The following CNTNAP2 variants were observed in gnomAD, a reference collection of about 807,000 sequenced individuals.
CNTNAP2 encodes the protein contactin associated protein 2, also known as contactin-associated protein-like 2.
In CNTNAP2, 98 loss-of-function variants were observed where a neutral mutation model predicts 155.2. The observed-to-expected ratio is 0.63, with a 90% CI of 0.54 to 0.75. CNTNAP2 has a LOEUF of 0.75. Among genes scored for constraint, CNTNAP2 ranks in the 30% least tolerant of loss-of-function variants. CNTNAP2 has a pLI of 0.00. For missense variants in CNTNAP2, 1,727 were observed against 1,688.1 expected, an observed-to-expected ratio of 1.02 and a Z score of -0.40; for synonymous variants, 651 against 631.2, an observed-to-expected ratio of 1.03 and a Z score of -0.47.
At chr7:148,158,205 T>C (rs151176631) in intron 17 of CNTNAP2, among the ~76,000 whole-genome samples, 2 of 151,138 alleles carry the variant, frequency 1.3e-5, no homozygotes, top group African/African-American at 4.9e-5. Context: ...TGAGTGATGA[T>C]AGGTACAATG....
In CNTNAP2 at chr7:148,415,807, T is replaced by C; in HGVS notation, c.*191T>C. The C allele has an allele frequency of 1.5e-6, 1 of 655,288 alleles. No individual in the cohort carries two copies. The highest frequency in any genetic ancestry group is 2.7e-5 in the East Asian group (1 of 36,476). The allele number at this position is 655,288 out of a possible 1,614,324, so 40.6% of individuals were successfully genotyped here. A position where few individuals can be genotyped will look rare whatever the true frequency, so the allele number is the denominator to read the frequency against. On this transcript the variant is annotated 3_prime_UTR_variant, in exon 24 of 24. Coordinates refer to ENST00000361727, the MANE Select transcript of CNTNAP2 (RefSeq NM_014141.6). Reference sequence around the variant, plus strand: ...AAAAAAAAAACCTTTTTAATATTTCTTTATAGCTGAGTTTTCCCTTCTGTA... The same window carrying C: ...AAAAAAAAAACCTTTTTAATATTTCCTTATAGCTGAGTTTTCCCTTCTGTA...
At chr7:147,787,939 G>A (rs913813944) in intron 13 of CNTNAP2, among the ~76,000 whole-genome samples, 5 of 152,300 alleles carry the variant, frequency 3.3e-5, no homozygotes, top group East Asian at 1.9e-4. Context: ...CTAAAGATGG[G>A]TTGAAAAGCA....
In CNTNAP2 at chr7:146,842,994, CTTTTTTTTTTTT is replaced by C. The variant is rs35387068; in HGVS notation, c.402+3108_402+3119del. 3.7e-4 allele frequency among the ~76,000 whole-genome samples: 5 copies of C among 13,668 alleles called. No individual in the cohort carries two copies. In the East Asian group the frequency reaches 0.015, roughly 41 times the overall value. The allele number at this position is 13,668 out of a possible 152,430, so 9.0% of individuals were successfully genotyped here. ...GCCACCACGCCCGGCCTGTCCCACA[CTTTTTTTTTTTT>C]TTTTTTTTTTTTTTTTTGAGACGGA... is the stretch of plus-strand genomic sequence containing the variant. On this transcript the variant is annotated intron_variant, in intron 3 of 23. Coordinates refer to ENST00000361727, the MANE Select transcript of CNTNAP2 (RefSeq NM_014141.6).
Position 148,320,568 on chromosome 7 carries a change from G to C in CNTNAP2, c.3475+53442G>C, listed in dbSNP as rs150288837. On this transcript the variant is annotated intron_variant, in intron 21 of 23. Coordinates refer to ENST00000361727, the MANE Select transcript of CNTNAP2 (RefSeq NM_014141.6). ...CCGGCTAATTTTTGTATTTTTAGTA[G>C]AGATGGGGTTTCATCATGTTGGCCA... Among the ~76,000 whole-genome samples, 14 of 151,834 alleles carry C rather than the reference G, an allele frequency of 9.2e-5. No individual in the cohort carries two copies. In the South Asian group the frequency reaches 2.5e-3, roughly 27 times the overall value.
chr7:147,049,977 T>C (rs1375085460), intron 4 of CNTNAP2, among the ~76,000 whole-genome samples: 1 of 152,224 alleles, frequency 6.6e-6, no homozygotes, highest in Admixed American at 6.5e-5. Flanking sequence ...CTGAAGCCTT[T>C]AGGGCTTCTA....
intron 1 of CNTNAP2, among the ~76,000 whole-genome samples, chr7:146,303,029 T>C (rs1800638596): frequency 1.3e-5 from 2 of 151,852 alleles, no homozygotes; most frequent in South Asian, 4.1e-4. Flanking sequence ...AGTAATGGTA[T>C]TGAGATTCAG....
rs148621636 is a variant in CNTNAP2 at position 146,184,360 on chromosome 7, T to C, written c.97+67387T>C. Among the ~76,000 whole-genome samples the C allele has an allele frequency of 4.6e-5, 7 of 152,232 alleles. No homozygotes were observed. The East Asian group carries it at 1.4e-3, about 29-fold the overall frequency. On this transcript the variant is annotated intron_variant, in intron 1 of 23. Transcript: ENST00000361727. ...CCGAAATGGCAGGCAGTCCATGAGA[T>C]AGTGTGGAACATAATTGACACTAAA...
chr7:147,356,204 A>G (rs2116887588), intron 9 of CNTNAP2, among the ~76,000 whole-genome samples: 1 of 152,334 alleles, frequency 6.6e-6, no homozygotes, highest in East Asian at 1.9e-4. Context: ...ATCTTAATAG[A>G]TGCAGAAAAG....
intron 11 of CNTNAP2, among the ~76,000 whole-genome samples, chr7:147,511,326 G>A (rs568295771): frequency 6.6e-6 from 1 of 152,042 alleles, no homozygotes; most frequent in South Asian, 2.1e-4. Context: ...CACTATTTAA[G>A]AGTGTTATCA....
At chr7:147,554,164 G>A (rs1253013098) in intron 11 of CNTNAP2, among the ~76,000 whole-genome samples, 1 of 152,124 alleles carries the variant, frequency 6.6e-6, no homozygotes, top group Non-Finnish European at 1.5e-5. Context: ...CCTTCTTAGA[G>A]TTTTCTATAA....
intron 12 of CNTNAP2, among the ~76,000 whole-genome samples, chr7:147,606,157 CAAT>C (rs1323694477): frequency 1.3e-5 from 2 of 152,062 alleles, no homozygotes; most frequent in African/African-American, 4.8e-5. Flanking sequence ...CTTTATTTCA[CAAT>C]AATAATAATA....
chr7:147,432,294 TGTC>T (rs893720839), intron 10 of CNTNAP2, among the ~76,000 whole-genome samples: 41 of 152,272 alleles, frequency 2.7e-4, no homozygotes, highest in African/African-American at 8.4e-4. Context: ...AAGCAAATTG[TGTC>T]CAGACATTGC....
chr7:147,325,322 C>T (rs912672741), intron 9 of CNTNAP2, among the ~76,000 whole-genome samples: 1 of 152,000 alleles, frequency 6.6e-6, no homozygotes, highest in Non-Finnish European at 1.5e-5. Context: ...ACAACAACAA[C>T]AAAAATTAGA....
intron 17 of CNTNAP2, among the ~76,000 whole-genome samples, chr7:148,148,161 C>T (rs1805229354): frequency 1.3e-5 from 2 of 152,050 alleles, no homozygotes; most frequent in Non-Finnish European, 2.9e-5. Context: ...AAAGCCATTC[C>T]TTTCTTGCCT....
chr7:148,019,512 T>G lies in CNTNAP2; in HGVS notation c.2383+41523T>G, dbSNP rs539431405. Among the ~76,000 whole-genome samples, 7 of 152,320 alleles carry G rather than the reference T, an allele frequency of 4.6e-5. No homozygotes were observed. In the South Asian group the frequency reaches 1.5e-3, roughly 32 times the overall value. ...TCTAGCTCTGTCACCCAGGCTGTAGTGCAGTTGTGATATCTTGGCTCAATG... is the reference window on the plus strand; with the variant it reads ...TCTAGCTCTGTCACCCAGGCTGTAGGGCAGTTGTGATATCTTGGCTCAATG... On this transcript the variant is annotated intron_variant, in intron 15 of 23. Coordinates refer to ENST00000361727, the MANE Select transcript of CNTNAP2 (RefSeq NM_014141.6).
intron 18 of CNTNAP2, among the ~76,000 whole-genome samples, chr7:148,177,722 G>T (rs930850178): frequency 6.6e-6 from 1 of 152,076 alleles, no homozygotes; most frequent in Non-Finnish European, 1.5e-5. Context: ...CTGCCCCAAG[G>T]TTCACATATT....
intron 10 of CNTNAP2, among the ~76,000 whole-genome samples, chr7:147,485,529 A>G (rs146011414): frequency 2.0e-5 from 3 of 152,284 alleles, no homozygotes; most frequent in Admixed American, 6.5e-5. Flanking sequence ...ACTTGATGAT[A>G]CCCCTCTTTA....
At chr7:146,527,946 A>C (rs1797715027) in intron 1 of CNTNAP2, among the ~76,000 whole-genome samples, 1 of 152,198 alleles carries the variant, frequency 6.6e-6, no homozygotes, top group Non-Finnish European at 1.5e-5. Flanking sequence ...TCCTTATATT[A>C]CATTTTACGG....
chr7:146,925,090 C>T (rs963087740), intron 3 of CNTNAP2, among the ~76,000 whole-genome samples: 1 of 152,056 alleles, frequency 6.6e-6, no homozygotes, highest in East Asian at 1.9e-4. Context: ...ATAGTGCTGA[C>T]CCTTTTAAAA....
Sources: gnomAD v4.1 joint callset for allele counts (sites outside exome capture counted in the v4.1 genomes callset) on GRCh38, gnomAD v4.1.1 for gene constraint, MANE v1.5 for transcripts, NCBI Gene and HGNC (gene_info 2026-07-23, HGNC 2026-07-21) for gene names.